ABCA13: variants seen among roughly 807,000 people sequenced by gnomAD.
ABCA13 encodes the protein ATP binding cassette subfamily A member 13.
In ABCA13, 476 loss-of-function variants were observed where a neutral mutation model predicts 478.7. The observed-to-expected ratio is 0.99, with a 90% CI of 0.92 to 1.07. ABCA13 has a LOEUF of 1.07. Ranked by LOEUF, ABCA13 falls within the 50% of genes least tolerant of loss-of-function variation. The pLI is 0.00. For missense variants in ABCA13, 6,060 were observed against 5,910.6 expected (o/e 1.03, Z -0.83); for synonymous variants, 2,252 against 2,158.9 (o/e 1.04, Z -1.20).
chr7:48,274,938 C>CA lies in ABCA13; in HGVS notation c.5273dup (p.Val1760SerfsTer4). ...GCTTCCTCATGCTGTAAGGCTCCTG[C>CA]AGGGAGTACCTGGTAAAAACATCAC... On this transcript the variant is annotated frameshift_variant, in exon 17 of 62. Transcript: ENST00000435803. LOFTEE classifies it high-confidence loss of function. 6.2e-7 allele frequency: 1 copy of CA among 1,613,812 alleles called. No homozygotes were observed. Among genetic ancestry groups the CA allele is most frequent in the Non-Finnish European group, 8.5e-7 (1 of 1,179,742 alleles).
At chr7:48,389,310 C>A in intron 37 of ABCA13, 90 bp downstream of exon 37, 2 of 1,428,514 alleles carry the variant, frequency 1.4e-6, no homozygotes, top group Non-Finnish European at 1.9e-6. Context: ...ATTTCTTTTC[C>A]TTTTTTTAAA....
At chr7:48,375,608 T>G (rs895175582) in intron 34 of ABCA13, among the ~76,000 whole-genome samples, 1 of 150,956 alleles carries the variant, frequency 6.6e-6, no homozygotes, top group Admixed American at 6.6e-5. Flanking sequence ...ATTTGTATGG[T>G]TTTTTTTGGG....
intron 55 of ABCA13, among the ~76,000 whole-genome samples, chr7:48,567,168 A>G (rs1163186920): frequency 6.6e-6 from 1 of 152,184 alleles, no homozygotes; most frequent in Non-Finnish European, 1.5e-5. Flanking sequence ...AATCTAAGTA[A>G]TTAAAAATTA....
intron 58 of ABCA13, among the ~76,000 whole-genome samples, chr7:48,599,905 G>C (rs1225092912): frequency 1.6e-5 from 2 of 121,690 alleles, no homozygotes; most frequent in African/African-American, 6.7e-5. Flanking sequence ...TAGTTGGATG[G>C]AATATTGTAT....
In ABCA13 at chr7:48,219,883, AACACACACACAC is replaced by A. The variant is rs3065570; in HGVS notation, c.439+418_439+429del. Among the ~76,000 whole-genome samples the A allele has an allele frequency of 2.7e-3, 345 of 126,572 alleles. 2 individuals are homozygous for A. In the East Asian group the frequency reaches 0.031, roughly 11 times the overall value. The allele number at this position is 126,572 out of a possible 152,430, so 83.0% of individuals were successfully genotyped here. On this transcript the variant is annotated intron_variant, in intron 4 of 61. Coordinates refer to ENST00000435803, the MANE Select transcript of ABCA13 (RefSeq NM_152701.5). ...TTAAAATCTGTCCCCACCTTCCCCA[AACACACACACAC>A]ACACACACACACACACACACACACA...
In ABCA13 at chr7:48,524,321, T is replaced by C. The variant is rs1402339444; in HGVS notation, c.14125T>C (p.Phe4709Leu). 3 of 1,613,068 alleles carry C rather than the reference T, an allele frequency of 1.9e-6. No homozygotes were observed. The African/African-American group carries it at 4.0e-5, about 22-fold the overall frequency. ...TGTTGAAAAAGAGGAAAAGAGAGTG[T>C]TTGAAGGAAGGACCAATGGAGACAT... ...TDVEKEEKRV[F>L]EGRTNGDILV... The change falls in exon 54 of 62, where the codon TTT (phenylalanine) becomes CTT (leucine). Residue 4709 changes from phenylalanine (F) to leucine (L), a missense_variant. Around this residue, in one of 3 missense-constraint regions of ABCA13, gnomAD observed 1,627 missense variants for 1,571.0 expected, o/e 1.04. Coordinates refer to ENST00000435803, the MANE Select transcript of ABCA13 (RefSeq NM_152701.5).
rs576274569 is a variant in ABCA13 at position 48,644,469 on chromosome 7, T to A, written c.14944-148T>A. On this transcript the variant is annotated intron_variant, in intron 60 of 61. Coordinates refer to ENST00000435803, the MANE Select transcript of ABCA13 (RefSeq NM_152701.5). ...AAATATACCCCATGAAAAATTGTCA[T>A]CAATAAGCATTCATTGGAGACTCAC... The A allele has an allele frequency of 3.6e-6, 3 of 844,638 alleles. No homozygotes were observed. The African/African-American group carries it at 5.1e-5, about 14-fold the overall frequency. 52.3% of individuals were successfully genotyped at this position (844,638 alleles called of 1,614,324 possible).
chr7:48,259,956 T>A (rs1272492009), intron 15 of ABCA13, among the ~76,000 whole-genome samples: 1 of 152,114 alleles, frequency 6.6e-6, no homozygotes, highest in Non-Finnish European at 1.5e-5. Flanking sequence ...TTTTCAGCTC[T>A]GTGAGTGAGA....
chr7:48,440,551 G>T (rs905201287), intron 42 of ABCA13, among the ~76,000 whole-genome samples: 4 of 151,900 alleles, frequency 2.6e-5, no homozygotes, highest in African/African-American at 9.7e-5. Context: ...TTAGCATTTT[G>T]CCTAAAGGTT....
chr7:48,639,411 C>T (rs1794936156), intron 59 of ABCA13, among the ~76,000 whole-genome samples: 1 of 152,116 alleles, frequency 6.6e-6, no homozygotes. Flanking sequence ...TGTGGTAAGG[C>T]AGGAAGATGA....
intron 43 of ABCA13, among the ~76,000 whole-genome samples, chr7:48,458,670 C>T (rs1825929476): frequency 6.6e-6 from 1 of 152,162 alleles, no homozygotes; most frequent in Non-Finnish European, 1.5e-5. Context: ...CATAAAAGCA[C>T]AAACCAGAAG....
Position 48,203,191 on chromosome 7 carries a change from G to C in ABCA13, c.287+4831G>C, listed in dbSNP as rs554231463. Reference sequence around the variant, plus strand: ...CTCATTGCCTGGGGCCGGCAGGGCCGGCCGGCTGCTCCGAGTGCGGGCGGG... The same window carrying C: ...CTCATTGCCTGGGGCCGGCAGGGCCCGCCGGCTGCTCCGAGTGCGGGCGGG... On this transcript the variant is annotated intron_variant, in intron 3 of 61. Transcript: ENST00000435803. Among the ~76,000 whole-genome samples, 171 of 152,216 alleles carry C rather than the reference G, an allele frequency of 1.1e-3. 2 individuals carry two copies. The highest frequency in any genetic ancestry group is 3.9e-3 in the African/African-American group (160 of 41,528).
intron 3 of ABCA13, among the ~76,000 whole-genome samples, chr7:48,205,907 G>C (rs150800400): frequency 6.6e-6 from 1 of 152,070 alleles, no homozygotes; most frequent in Non-Finnish European, 1.5e-5. Flanking sequence ...TAACATTTAA[G>C]AGTACATTTC....
intron 53 of ABCA13, 116 bp downstream of exon 53, chr7:48,520,410 A>T: frequency 8.5e-7 from 1 of 1,182,340 alleles, no homozygotes; most frequent in Non-Finnish European, 1.1e-6. Context: ...CATTATACAT[A>T]GTTCTAATGC....
At chr7:48,342,275 G>A (rs1807359076) in intron 29 of ABCA13, among the ~76,000 whole-genome samples, 1 of 152,042 alleles carries the variant, frequency 6.6e-6, no homozygotes, top group South Asian at 2.1e-4. Context: ...TTCCTGCATT[G>A]TTGGGTGCCG....
intron 55 of ABCA13, among the ~76,000 whole-genome samples, chr7:48,530,578 A>G (rs1833164452): frequency 6.6e-6 from 1 of 152,144 alleles, no homozygotes; most frequent in Admixed American, 6.6e-5. Context: ...TGTTTTCTAT[A>G]GTGGTTGTAC....
At position 48,392,124 on chromosome 7, in the gene ABCA13, A is replaced by C; in HGVS notation, c.11858A>C (p.His3953Pro). 2 of 1,613,870 alleles carry C rather than the reference A, an allele frequency of 1.2e-6. No individual in the cohort carries two copies. The highest frequency in any genetic ancestry group is 1.7e-6 in the Non-Finnish European group (2 of 1,179,868). The change falls in exon 38 of 62, where the codon CAT (histidine) becomes CCT (proline). Residue 3953 changes from histidine (H) to proline (P), a missense_variant. Coordinates refer to ENST00000435803, the MANE Select transcript of ABCA13 (RefSeq NM_152701.5). ...CCTCAGTGGACCAAGAAGGAGCTGCATCAGCAAGTCAATCAGTTAGTAAAC... is the reference window on the plus strand; with the variant it reads ...CCTCAGTGGACCAAGAAGGAGCTGCCTCAGCAAGTCAATCAGTTAGTAAAC... ...KAPQWTKKEL[H>P]QQVNQTLQDV... is the part of the protein sequence containing the mutation.
chr7:48,338,539 A>T lies in ABCA13; in HGVS notation c.10204+84A>T. 8.1e-6 allele frequency: 8 copies of T among 981,724 alleles called. No homozygotes were observed. In the South Asian group the frequency reaches 1.7e-4, roughly 21 times the overall value. The allele number at this position is 981,724 out of a possible 1,614,324, so 60.8% of individuals were successfully genotyped here. On this transcript the variant is annotated intron_variant, in intron 29 of 61. Coordinates refer to ENST00000435803, the MANE Select transcript of ABCA13 (RefSeq NM_152701.5). Reference sequence around the variant, plus strand: ...TGGGTCCTCCCCCTTGGGCCATGGCATTGCTAGGTGACTTCCAGCAAGTCA... The same window carrying T: ...TGGGTCCTCCCCCTTGGGCCATGGCTTTGCTAGGTGACTTCCAGCAAGTCA...
chr7:48,486,755 T>A (rs1445900899), intron 47 of ABCA13, among the ~76,000 whole-genome samples: 1 of 152,182 alleles, frequency 6.6e-6, no homozygotes, highest in Admixed American at 6.5e-5. Context: ...GGGCTGATCT[T>A]GGCCAGGAAT....
Sources: allele counts gnomAD v4.1 joint callset (sites outside exome capture counted in the v4.1 genomes callset), GRCh38; gene constraint gnomAD v4.1.1; regional missense constraint gnomAD v4.1.1; transcripts MANE v1.5; gene names NCBI Gene and HGNC (gene_info 2026-07-23, HGNC 2026-07-21).